The following IL12RB2 variants were observed in gnomAD, a reference collection of about 807,000 sequenced individuals.
IL12RB2 encodes the protein interleukin-12 receptor subunit beta-2.
Under a neutral mutation model 89.4 loss-of-function variants are expected in IL12RB2, and 82 were observed. The ratio of observed to expected loss-of-function variants is 0.92; its 90% confidence interval spans 0.77 to 1.10. The LOEUF is 1.10. IL12RB2 is among the 50% of genes least tolerant of loss of function. The pLI is 0.00. For missense variants in IL12RB2, 963 were observed against 1,031.9 expected (o/e 0.93, Z 0.92); for synonymous variants, 368 against 370.1 (o/e 0.99, Z 0.07).
intron 5 of IL12RB2, among the ~76,000 whole-genome samples, chr1:67,327,947 C>G (rs925486463): frequency 6.6e-6 from 1 of 152,154 alleles, no homozygotes; most frequent in Non-Finnish European, 1.5e-5. Flanking sequence ...GGAATTTCAG[C>G]AGCGTAGGCT....
chr1:67,324,384 G>A (rs907340882), intron 4 of IL12RB2, among the ~76,000 whole-genome samples: 1 of 151,948 alleles, frequency 6.6e-6, no homozygotes, highest in Admixed American at 6.6e-5. Flanking sequence ...CACCATGCCC[G>A]GCTAATTTTT....
intron 8 of IL12RB2, 82 bp downstream of exon 8, chr1:67,330,892 G>A (rs1657993952): frequency 7.2e-6 from 6 of 833,512 alleles, no homozygotes; most frequent in Middle Eastern, 2.2e-4. Context: ...CCTTGGAATA[G>A]AATCTTTAAA....
At chr1:67,318,933 A>G (rs190747217) in intron 2 of IL12RB2, among the ~76,000 whole-genome samples, 317 of 152,310 alleles carry the variant, frequency 2.1e-3, no homozygotes, top group African/African-American at 6.6e-3. Flanking sequence ...TCCAAGAGTT[A>G]AAAATCAAGA....
intron 9 of IL12RB2, among the ~76,000 whole-genome samples, chr1:67,339,700 C>T (rs971975799): frequency 6.6e-6 from 1 of 152,016 alleles, no homozygotes; most frequent in African/African-American, 2.4e-5. Flanking sequence ...ACTGGTACGC[C>T]CACTTACCAG....
chr1:67,356,696 A>T (rs1048939749), intron 10 of IL12RB2, among the ~76,000 whole-genome samples: 4 of 152,144 alleles, frequency 2.6e-5, no homozygotes, highest in African/African-American at 7.2e-5. Context: ...TACCCTAAAC[A>T]TACATGGAGG....
intron 10 of IL12RB2, among the ~76,000 whole-genome samples, chr1:67,367,483 G>GGAAGGAAGGAAGGAAT (rs1662817305): frequency 7.2e-6 from 1 of 138,476 alleles, no homozygotes. Flanking sequence ...AAGGAAGGAA[G>GGAAGGAAGGAAGGAAT]GAAGCAAAGA....
intron 9 of IL12RB2, among the ~76,000 whole-genome samples, chr1:67,341,049 T>C (rs1051136315): frequency 1.3e-5 from 2 of 152,222 alleles, no homozygotes; most frequent in Non-Finnish European, 2.9e-5. Flanking sequence ...TGTTTCCTTT[T>C]GTGTAGCCAG....
chr1:67,361,038 CA>C (rs1661985392), intron 10 of IL12RB2, among the ~76,000 whole-genome samples: 1 of 152,070 alleles, frequency 6.6e-6, no homozygotes, highest in Non-Finnish European at 1.5e-5. Context: ...CCACTGTAGC[CA>C]TCCTATCCCA....
chr1:67,376,435 A>G (rs926859302), intron 13 of IL12RB2, among the ~76,000 whole-genome samples: 15 of 152,120 alleles, frequency 9.9e-5, no homozygotes, highest in Admixed American at 5.9e-4. Context: ...AGCTTTTCCA[A>G]CGACTGGCAA....
intron 1 of IL12RB2, among the ~76,000 whole-genome samples, chr1:67,308,595 G>C (rs1654597558): frequency 6.6e-6 from 1 of 152,122 alleles, no homozygotes; most frequent in African/African-American, 2.4e-5. Context: ...CTTCCTTTGT[G>C]AACTATGAGG....
Position 67,329,662 on chromosome 1 carries a change from G to C in IL12RB2, c.740G>C (p.Arg247Thr). The C allele has an allele frequency of 6.3e-7, 1 of 1,585,112 alleles. No individual in the cohort carries two copies. Among genetic ancestry groups the C allele is most frequent in the Non-Finnish European group, 8.7e-7 (1 of 1,153,524 alleles). Residue 247 changes from arginine (R) to threonine (T), a missense_variant, in exon 7 of 17, where the codon AGA becomes ACA. Coordinates refer to ENST00000674203, the MANE Select transcript of IL12RB2 (RefSeq NM_001374259.2). ...GTGAGCAGATGTACCCTTTATTGGA[G>C]AGATGAGGGACTGGTACTGCTTAAT... is the stretch of plus-strand genomic sequence containing the variant. ...ASVSRCTLYWRDEGLVLLNRL... is the reference protein window; with the variant it reads ...ASVSRCTLYWTDEGLVLLNRL...
intron 10 of IL12RB2, among the ~76,000 whole-genome samples, chr1:67,359,903 TAGAC>T (rs145927953): frequency 0.047 from 7,097 of 152,042 alleles, 197 homozygotes; most frequent in Non-Finnish European, 0.071. Context: ...ATTGAAGAGA[TAGAC>T]AGGTAAATAC....
chr1:67,366,452 C>CAAAAAAAAAAAAAAAAAAA (rs11329710), intron 10 of IL12RB2, among the ~76,000 whole-genome samples: 1 of 53,390 alleles, frequency 1.9e-5, no homozygotes, highest in Non-Finnish European at 3.7e-5. Flanking sequence ...GACTCCATCT[C>CAAAAAAAAAAAAAAAAAAA]AAAAAAAAAA....
chr1:67,323,798 G>GA (rs1385974411), intron 4 of IL12RB2, among the ~76,000 whole-genome samples: 1 of 152,114 alleles, frequency 6.6e-6, no homozygotes, highest in Non-Finnish European at 1.5e-5. Context: ...GACAGCCAAA[G>GA]GAAAAACAGA....
chr1:67,354,938 T>C (rs1405459140), intron 10 of IL12RB2, among the ~76,000 whole-genome samples: 1 of 152,146 alleles, frequency 6.6e-6, no homozygotes, highest in Non-Finnish European at 1.5e-5. Flanking sequence ...ACAAGAATGA[T>C]TTTGTTAGCT....
chr1:67,375,869 CAG>C (rs368043016), intron 13 of IL12RB2, among the ~76,000 whole-genome samples: 1 of 142,012 alleles, frequency 7.0e-6, no homozygotes, highest in African/African-American at 2.6e-5. Context: ...TTTTTTGAGA[CAG>C]AGTCTCACTC....
At chr1:67,327,089 T>C (rs1247062680) in intron 5 of IL12RB2, among the ~76,000 whole-genome samples, 1 of 151,758 alleles carries the variant, frequency 6.6e-6, no homozygotes, top group Non-Finnish European at 1.5e-5. Flanking sequence ...GCCTCCTGAG[T>C]GGCTGGGATT....
At chr1:67,333,526 A>C (rs781553677) in intron 8 of IL12RB2, among the ~76,000 whole-genome samples, 5 of 151,898 alleles carry the variant, frequency 3.3e-5, no homozygotes, top group African/African-American at 4.8e-5. Flanking sequence ...TGTTTATATC[A>C]TTTGAACAGT....
chr1:67,334,785 T>C (rs1658552420), intron 8 of IL12RB2, among the ~76,000 whole-genome samples: 1 of 152,250 alleles, frequency 6.6e-6, no homozygotes, highest in Non-Finnish European at 1.5e-5. Context: ...GGCCGGATTC[T>C]TCTTTTGATT....
Sources: gnomAD v4.1 joint callset for allele counts (sites outside exome capture counted in the v4.1 genomes callset) on GRCh38, gnomAD v4.1.1 for gene constraint, MANE v1.5 for transcripts, NCBI Gene and HGNC (gene_info 2026-07-23, HGNC 2026-07-21) for gene names.